MAST4: variants seen among roughly 807,000 people sequenced by gnomAD.
The protein encoded by MAST4 is microtubule associated serine/threonine kinase family member 4.
MAST4 carries 89 observed loss-of-function variants against 162.7 expected under a neutral mutation model. The observed-to-expected ratio is 0.55, with a 90% confidence interval of 0.46 to 0.65. The LOEUF is 0.65. Ranked by LOEUF, MAST4 falls within the 30% of genes least tolerant of loss-of-function variation. The pLI is 0.00. For missense variants in MAST4, 3,153 were observed against 3,374.0 expected, an observed-to-expected ratio of 0.93 and a Z score of 1.62; for synonymous variants, 1,479 against 1,361.1, an observed-to-expected ratio of 1.09 and a Z score of -1.91.
At chr5:67,149,257 C>A in intron 23 of MAST4, 132 bp from the exon 24 acceptor site, 2 of 733,556 alleles carry the variant, frequency 2.7e-6, no homozygotes, top group Non-Finnish European at 4.6e-6. Flanking sequence ...CGCCTGACAC[C>A]GTCTGGACTT....
At chr5:66,972,833 G>A (rs186992462) in intron 4 of MAST4, among the ~76,000 whole-genome samples, 64 of 152,268 alleles carry the variant, frequency 4.2e-4, no homozygotes, top group African/African-American at 1.1e-3. Flanking sequence ...GCTTCCTGCC[G>A]TGTCTCACTC....
chr5:67,028,374 A>C (rs1754929258), intron 4 of MAST4, among the ~76,000 whole-genome samples: 3 of 152,190 alleles, frequency 2.0e-5, no homozygotes, highest in Admixed American at 2.0e-4. Flanking sequence ...AGGAGGTGCC[A>C]CTGAAGGGTT....
intron 1 of MAST4, among the ~76,000 whole-genome samples, chr5:66,627,205 G>T (rs1159999180): frequency 2.0e-5 from 3 of 152,020 alleles, no homozygotes; most frequent in Middle Eastern, 3.2e-3. Context: ...AGCAAAAGGG[G>T]GAAAAGACCC....
Position 67,152,857 on chromosome 5 carries a change from T to C in MAST4, c.3516T>C (p.His1172=), listed in dbSNP as rs754460935. Reference sequence around the variant, plus strand: ...ACAGTGACATCTATACAGTGCACCATATCGTCTGGGTAAGACCTGCATGTC... The same window carrying C: ...ACAGTGACATCTATACAGTGCACCACATCGTCTGGGTAAGACCTGCATGTC... ...VGDSDIYTVH[H]IVWNVEEGSP... is the part of the protein sequence containing the mutation. Residue 1172 remains histidine, a synonymous_variant, in exon 25 of 29, where the codon CAT becomes CAC. Coordinates refer to ENST00000403625, the MANE Select transcript of MAST4 (RefSeq NM_001164664.2). 2.5e-5 allele frequency: 40 copies of C among 1,612,832 alleles called. No homozygotes were observed. In the South Asian group the frequency reaches 3.1e-4, roughly 12 times the overall value.
At position 67,165,578 on chromosome 5, in the gene MAST4, C is replaced by A. The variant is rs1172184754; in HGVS notation, c.6399C>A (p.Ile2133=). Reference sequence around the variant, plus strand: ...CTCTACAAAGGCATCCCAGCAGCATCCCTCCGCCCCCTCTGACGGCCAAAG... The same window carrying A: ...CTCTACAAAGGCATCCCAGCAGCATACCTCCGCCCCCTCTGACGGCCAAAG... The part of the protein sequence containing the change: ...EQPLQRHPSS[I]PPPPLTAKDL... The change falls in exon 29 of 29, where the codon ATC becomes ATA. Residue 2133 remains isoleucine, a synonymous_variant. Coordinates refer to ENST00000403625, the MANE Select transcript of MAST4 (RefSeq NM_001164664.2). 1 of 1,613,738 alleles carries A rather than the reference C, an allele frequency of 6.2e-7. No individual in the cohort carries two copies.
At chr5:66,857,222 G>A (rs1041787273) in intron 3 of MAST4, among the ~76,000 whole-genome samples, 1 of 152,114 alleles carries the variant, frequency 6.6e-6, no homozygotes, top group African/African-American at 2.4e-5. Context: ...GATTCATACA[G>A]GTTTAGTTCA....
intron 5 of MAST4, among the ~76,000 whole-genome samples, chr5:67,078,911 A>AATAAATATATATATATAATAT (rs1227485756): frequency 7.6e-4 from 29 of 38,110 alleles, no homozygotes; most frequent in Middle Eastern, 0.022. Flanking sequence ...TTTTTATATA[A>AATAAATATATATATATAATAT]ATATATATAT....
intron 3 of MAST4, among the ~76,000 whole-genome samples, chr5:66,824,458 G>A (rs1368588167): frequency 6.6e-6 from 1 of 152,244 alleles, no homozygotes; most frequent in Non-Finnish European, 1.5e-5. Context: ...AGGCAGTTCA[G>A]CGAGAGCTGC....
chr5:66,653,756 A>G (rs1007673859), intron 1 of MAST4, among the ~76,000 whole-genome samples: 8 of 152,090 alleles, frequency 5.3e-5, no homozygotes, highest in Non-Finnish European at 8.8e-5. Flanking sequence ...GGCTTTCTCC[A>G]TGTATCCTCT....
intron 4 of MAST4, among the ~76,000 whole-genome samples, chr5:66,958,667 T>C (rs1424725285): frequency 6.6e-6 from 1 of 152,182 alleles, no homozygotes; most frequent in East Asian, 1.9e-4. Flanking sequence ...TTGCCATATA[T>C]AGAGAAAGAT....
At chr5:66,650,872 C>T (rs950474721) in intron 1 of MAST4, among the ~76,000 whole-genome samples, 2 of 152,240 alleles carry the variant, frequency 1.3e-5, no homozygotes, top group African/African-American at 4.8e-5. Flanking sequence ...CACATTGTCA[C>T]TTCTGTTCAT....
chr5:67,000,756 A>AC (rs1554079054), intron 4 of MAST4, among the ~76,000 whole-genome samples: 1 of 141,334 alleles, frequency 7.1e-6, no homozygotes, highest in African/African-American at 2.6e-5. Flanking sequence ...CTAAAAAAAA[A>AC]GGGGGGGGGT....
intron 14 of MAST4, among the ~76,000 whole-genome samples, chr5:67,127,431 T>C (rs966525414): frequency 6.6e-6 from 1 of 151,942 alleles, no homozygotes; most frequent in Admixed American, 6.6e-5. Context: ...TTATTGAGAG[T>C]TTTTAGCATG....
intron 7 of MAST4, among the ~76,000 whole-genome samples, chr5:67,099,468 A>G (rs1764792357): frequency 6.6e-6 from 1 of 152,140 alleles, no homozygotes; most frequent in East Asian, 1.9e-4. Context: ...ATGTTTCAGT[A>G]TTTATGAAGG....
At chr5:66,672,088 T>C (rs1270723046) in intron 1 of MAST4, among the ~76,000 whole-genome samples, 4 of 152,242 alleles carry the variant, frequency 2.6e-5, no homozygotes, top group Non-Finnish European at 5.9e-5. Context: ...GTGTATTTTA[T>C]TTAATATCTG....
chr5:66,945,081 A>T (rs1206397898), intron 4 of MAST4, among the ~76,000 whole-genome samples: 1 of 152,098 alleles, frequency 6.6e-6, no homozygotes, highest in Non-Finnish European at 1.5e-5. Context: ...CTGGGTTTTA[A>T]AACTTTTATA....
rs546788035 is a variant in MAST4, at chr5:66,667,682, A to G, written c.363+70664A>G. Among the ~76,000 whole-genome samples the G allele has an allele frequency of 1.2e-3, 186 of 152,162 alleles. 1 individual carries two copies. Among genetic ancestry groups the G allele is most frequent in the African/African-American group, 4.4e-3 (182 of 41,510 alleles). The stretch of plus-strand genomic sequence containing the variant: ...GTCAGTGAATTTTAATCTGTTCTTC[A>G]TTTTACTGCAGACGGACTGAAATCT... On this transcript the variant is annotated intron_variant, in intron 1 of 28. Transcript: ENST00000403625.
In MAST4 at chr5:66,851,298, CA is replaced by C. The variant is rs539726192; in HGVS notation, c.643-48648del. Among the ~76,000 whole-genome samples, 1,026 of 152,256 alleles carry C rather than the reference CA, an allele frequency of 6.7e-3. 10 individuals are homozygous for C. The highest frequency in any genetic ancestry group is 0.024 in the African/African-American group (983 of 41,560). On this transcript the variant is annotated intron_variant, in intron 3 of 28. Transcript: ENST00000403625. ...TGTATCTATCTATTCAAAGCCTCAG[CA>C]AAAAGGCTCAGAGAAGAGAAAAAGA...
At chr5:66,910,741 C>CTTTGTTTTTTTTTTTTTTTTTTTT (rs1763690763) in intron 4 of MAST4, among the ~76,000 whole-genome samples, 9 of 20,090 alleles carry the variant, frequency 4.5e-4, no homozygotes, top group South Asian at 1.4e-3. Flanking sequence ...TTTTTTTTTT[C>CTTTGTTTTTTTTTTTTTTTTTTTT]TTTTTTTTTT....
Sources: gnomAD v4.1 joint callset for allele counts (sites outside exome capture counted in the v4.1 genomes callset) on GRCh38, gnomAD v4.1.1 for gene constraint, MANE v1.5 for transcripts, NCBI Gene and HGNC (gene_info 2026-07-23, HGNC 2026-07-21) for gene names.